Variants in NSMAF observed in about 807,000 individuals in gnomAD.
NSMAF encodes neutral sphingomyelinase activation associated factor, also known as protein FAN.
NSMAF carries 90 observed loss-of-function variants against 134.9 expected under a neutral mutation model. That is an observed-to-expected ratio of 0.67 (90% CI 0.56 to 0.79). The LOEUF (loss-of-function observed/expected upper bound fraction) is 0.79, where lower values mean the gene tolerates loss of function less well. Among genes scored for constraint, NSMAF ranks in the 30% least tolerant of loss-of-function variants. NSMAF has a pLI of 0.00. For missense variants in NSMAF, 1,010 were observed against 1,119.0 expected (o/e 0.90, Z 1.39); for synonymous variants, 358 against 389.6 (o/e 0.92, Z 0.96).
At chr8:58,605,865 GC>G in intron 12 of NSMAF, 61 bp downstream of exon 12, 2 of 1,434,676 alleles carry the variant, frequency 1.4e-6, no homozygotes, top group East Asian at 5.5e-5. Context: ...GGGTGACAGA[GC>G]GAGACTCAGC....
At chr8:58,590,142 T>C in intron 24 of NSMAF, 68 bp from the exon 25 acceptor site, 3 of 1,378,776 alleles carry the variant, frequency 2.2e-6, no homozygotes, top group East Asian at 2.3e-5. Flanking sequence ...AGTAAAGCTA[T>C]CTTATACATT....
chr8:58,633,330 T>A (rs769405680), intron 5 of NSMAF, among the ~76,000 whole-genome samples: 84 of 152,336 alleles, frequency 5.5e-4, no homozygotes, highest in Middle Eastern at 3.4e-3. Flanking sequence ...CCACTCTCTG[T>A]ACCTGGAATA....
At chr8:58,620,082 T>G (rs1384874112) in intron 9 of NSMAF, among the ~76,000 whole-genome samples, 2 of 152,188 alleles carry the variant, frequency 1.3e-5, no homozygotes. Flanking sequence ...TACAGAAATG[T>G]CATCTTTGCA....
At chr8:58,588,008 A>G (rs776872971) in intron 26 of NSMAF, among the ~76,000 whole-genome samples, 2 of 152,250 alleles carry the variant, frequency 1.3e-5, no homozygotes, top group Non-Finnish European at 2.9e-5. Context: ...TGAGAACACT[A>G]TTAATGTTTT....
chr8:58,593,005 C>T (rs1230200228), intron 23 of NSMAF, among the ~76,000 whole-genome samples: 4 of 152,106 alleles, frequency 2.6e-5, no homozygotes, highest in African/African-American at 7.2e-5. Context: ...GAAGCCACAA[C>T]GCTCATCAAA....
chr8:58,621,922 C>T (rs757831940), intron 9 of NSMAF, among the ~76,000 whole-genome samples: 1 of 152,086 alleles, frequency 6.6e-6, no homozygotes, highest in African/African-American at 2.4e-5. Flanking sequence ...CGTGGGCTGT[C>T]TGTTTACTCT....
rs1472187942 is a variant in NSMAF at position 58,642,762 on chromosome 8, GA to G, written c.149+221del. Among the ~76,000 whole-genome samples, 3 of 152,066 alleles carry G rather than the reference GA, an allele frequency of 2.0e-5. No individual in the cohort carries two copies. In the East Asian group the frequency reaches 5.8e-4, roughly 29 times the overall value. ...TTACTTCCCTAATAAGAGAAAAGATGAAAAAAACTTCATGGGAGATAAAATA... is the reference window on the plus strand; with the variant it reads ...TTACTTCCCTAATAAGAGAAAAGATGAAAAAACTTCATGGGAGATAAAATA... On this transcript the variant is annotated intron_variant, in intron 2 of 30. Transcript: ENST00000038176.
chr8:58,634,933 C>A (rs1333782710), intron 5 of NSMAF, among the ~76,000 whole-genome samples: 1 of 152,196 alleles, frequency 6.6e-6, no homozygotes, highest in African/African-American at 2.4e-5. Flanking sequence ...CCCTTCATTT[C>A]AAGCCTCGTA....
chr8:58,590,073 G>A lies in NSMAF; in HGVS notation c.2021C>T (p.Ala674Val). 1 of 1,612,064 alleles carries A rather than the reference G, an allele frequency of 6.2e-7. No individual in the cohort carries two copies. The highest frequency in any genetic ancestry group is 8.5e-7 in the Non-Finnish European group (1 of 1,178,154). ...LQRSISFSNM[A>V]LSSCLLLPGD... ...TGGTAAAAGTAAACAAGACGATAAAGCCTGAAATACAAATGATTTGACGTT... is the reference window on the plus strand; with the variant it reads ...TGGTAAAAGTAAACAAGACGATAAAACCTGAAATACAAATGATTTGACGTT... The change falls in exon 25 of 31, where the codon GCT becomes GTT. Residue 674 changes from alanine to valine, a missense_variant and splice_region_variant. Coordinates refer to ENST00000038176, the MANE Select transcript of NSMAF (RefSeq NM_003580.4).
chr8:58,621,615 C>T (rs1806789751), intron 9 of NSMAF, among the ~76,000 whole-genome samples: 1 of 152,084 alleles, frequency 6.6e-6, no homozygotes, highest in African/African-American at 2.4e-5. Flanking sequence ...ACCTCACCAG[C>T]ATGTTATTTT....
At chr8:58,625,450 T>C (rs1806907709) in intron 6 of NSMAF, among the ~76,000 whole-genome samples, 1 of 140,848 alleles carries the variant, frequency 7.1e-6, no homozygotes, top group Non-Finnish European at 1.6e-5. Context: ...ACACACATCC[T>C]ATTGGTTCTG....
chr8:58,592,051 G>A (rs1410954128), intron 23 of NSMAF, among the ~76,000 whole-genome samples: 1 of 152,110 alleles, frequency 6.6e-6, no homozygotes, highest in Non-Finnish European at 1.5e-5. Flanking sequence ...GAAAACAGAA[G>A]AATGAACACA....
At chr8:58,652,765 A>T (rs1400542207) in intron 1 of NSMAF, among the ~76,000 whole-genome samples, 1 of 152,258 alleles carries the variant, frequency 6.6e-6, no homozygotes, top group Non-Finnish European at 1.5e-5. Context: ...ATAATCTTCA[A>T]AATGCTGAGA....
At chr8:58,600,090 T>A (rs983857400) in intron 16 of NSMAF, 69 bp from the exon 17 acceptor site, 61 of 1,133,290 alleles carry the variant, frequency 5.4e-5, no homozygotes, top group Non-Finnish European at 7.9e-5. Context: ...TCCTATGCAC[T>A]TGGGGGCTGT....
chr8:58,644,013 T>C (rs1342286617), intron 1 of NSMAF, among the ~76,000 whole-genome samples: 1 of 152,250 alleles, frequency 6.6e-6, no homozygotes, highest in African/African-American at 2.4e-5. Context: ...TTTTGTTGTA[T>C]GGCTACAGCA....
intron 9 of NSMAF, among the ~76,000 whole-genome samples, chr8:58,613,681 A>G (rs915930700): frequency 2.0e-4 from 31 of 152,216 alleles, no homozygotes; most frequent in African/African-American, 7.5e-4. Context: ...CCTTATTTTT[A>G]CTCTACCTTT....
rs564684247 is a variant in NSMAF, at chr8:58,618,216, T to G, written c.557+5004A>C. 1.7e-3 allele frequency among the ~76,000 whole-genome samples: 254 copies of G among 152,186 alleles called. 1 individual carries two copies. The highest frequency in any genetic ancestry group is 5.8e-3 in the African/African-American group (242 of 41,524). ...TAGGAGAAATATCTAATGTAAATGA[T>G]GAGTTGACGGGTGCAGCAATCCAAC... On this transcript the variant is annotated intron_variant, in intron 9 of 30. Transcript: ENST00000038176.
chr8:58,657,033 T>C (rs1807730970), intron 1 of NSMAF, among the ~76,000 whole-genome samples: 1 of 152,192 alleles, frequency 6.6e-6, no homozygotes, highest in East Asian at 1.9e-4. Context: ...CAGATAATCC[T>C]AGCTGGAATT....
intron 20 of NSMAF, 71 bp from the exon 21 acceptor site, chr8:58,597,621 A>C: frequency 7.1e-7 from 1 of 1,411,710 alleles, no homozygotes; most frequent in Admixed American, 1.8e-5. Context: ...CATTTCAAAT[A>C]GTACTGATCA....
Sources: gnomAD v4.1 joint callset for allele counts (sites outside exome capture counted in the v4.1 genomes callset) on GRCh38, gnomAD v4.1.1 for gene constraint, MANE v1.5 for transcripts, NCBI Gene and HGNC (gene_info 2026-07-23, HGNC 2026-07-21) for gene names.